The following PRP4K variants were observed in gnomAD, a reference collection of about 807,000 sequenced individuals.
The protein encoded by PRP4K is serine/threonine-protein kinase PRP4 homolog.
chr6:4,031,447 C>T, the PRP4K span: 8 of 823,986 alleles, frequency 9.7e-6, no homozygotes, highest in South Asian at 7.3e-5. Flanking sequence ...ATTTTAGTGA[C>T]TGACTTCATG....
At chr6:4,060,801 C>T in the PRP4K span, 8 of 636,854 alleles carry the variant, frequency 1.3e-5, no homozygotes, top group African/African-American at 5.5e-5. The surrounding 1 kb of genome is among the most constrained non-coding windows in gnomAD (Gnocchi z 4.7). Context: ...TTGTGTCTTA[C>T]GTGAAATTTC....
chr6:4,045,607 A>G, the PRP4K span, among the ~76,000 whole-genome samples: 1 of 152,156 alleles, frequency 6.6e-6, no homozygotes, highest in East Asian at 1.9e-4. Context: ...TTAACTTATG[A>G]TTTTATATTT....
the PRP4K span, among the ~76,000 whole-genome samples, chr6:4,043,053 G>A: frequency 2.6e-5 from 4 of 152,178 alleles, no homozygotes; most frequent in Non-Finnish European, 5.9e-5. Context: ...GGGAAAGAAT[G>A]TTATACAAAG....
chr6:4,026,019 G>A, the PRP4K span, among the ~76,000 whole-genome samples: 1 of 152,158 alleles, frequency 6.6e-6, no homozygotes, highest in African/African-American at 2.4e-5. Context: ...GTTTGTTTTT[G>A]AGACAGAGTT....
the PRP4K span, among the ~76,000 whole-genome samples, chr6:4,059,314 T>C: frequency 6.6e-6 from 1 of 152,212 alleles, no homozygotes; most frequent in Non-Finnish European, 1.5e-5. Context: ...CAGACCTTTG[T>C]GCCTTTGCTA....
chr6:4,049,915 A>ACGGAT, the PRP4K span: 1 of 1,589,084 alleles, frequency 6.3e-7, no homozygotes. Context: ...CTTTAACAGT[A>ACGGAT]CGGATACTTA....
chr6:4,057,733 C>G, the PRP4K span, among the ~76,000 whole-genome samples: 1 of 146,702 alleles, frequency 6.8e-6, no homozygotes, highest in Non-Finnish European at 1.5e-5. Flanking sequence ...ATTAAAGTAT[C>G]TGAGGGCCAT....
At chr6:4,052,639 G>A in the PRP4K span, 3 of 1,156,646 alleles carry the variant, frequency 2.6e-6, no homozygotes, top group Non-Finnish European at 2.4e-6. Context: ...CTTTATGCTT[G>A]CAAATGTTTT....
At chr6:4,040,762 C>CT in the PRP4K span, 1 of 1,611,362 alleles carries the variant, frequency 6.2e-7, no homozygotes, top group East Asian at 2.2e-5. Context: ...GTCTTTTCTT[C>CT]TTTAAATAGG....
At chr6:4,055,163 T>C in the PRP4K span, among the ~76,000 whole-genome samples, 1 of 152,216 alleles carries the variant, frequency 6.6e-6, no homozygotes, top group Non-Finnish European at 1.5e-5. Context: ...GAAGTGCATA[T>C]GAGTATGGAT....
chr6:4,052,591 G>T, the PRP4K span: 1 of 652,386 alleles, frequency 1.5e-6, no homozygotes, highest in South Asian at 2.3e-5. Flanking sequence ...CAAATGTGGG[G>T]GTGGTTCTTA....
chr6:4,056,857 A>C, the PRP4K span: 5 of 1,066,890 alleles, frequency 4.7e-6, no homozygotes, highest in Admixed American at 5.9e-5. Flanking sequence ...AAGGTTTTTA[A>C]GTTTGAGTCT....
the PRP4K span, among the ~76,000 whole-genome samples, chr6:4,035,284 A>ATTTTTTTTTTTTTTTTTTTTTTTTT: frequency 2.6e-4 from 15 of 58,800 alleles, no homozygotes; most frequent in East Asian, 6.0e-4. Context: ...CGCCCGGCTA[A>ATTTTTTTTTTTTTTTTTTTTTTTTT]TTTTTTTTTT....
At chr6:4,032,909 T>C in the PRP4K span, among the ~76,000 whole-genome samples, 10 of 152,236 alleles carry the variant, frequency 6.6e-5, no homozygotes, top group Non-Finnish European at 4.4e-5. Flanking sequence ...ACCCAATCCA[T>C]TAACCATGTT....
the PRP4K span, chr6:4,021,359 C>T: frequency 4.5e-6 from 7 of 1,549,092 alleles, no homozygotes; most frequent in East Asian, 2.4e-5. Flanking sequence ...CCTTCTTCCT[C>T]CACTTCCCCT....
the PRP4K span, chr6:4,032,891 T>A: frequency 2.9e-6 from 3 of 1,030,752 alleles, no homozygotes; most frequent in Non-Finnish European, 3.8e-6. Flanking sequence ...GTTTCATAAT[T>A]TTAAGTAACC....
At chr6:4,042,511 A>G in the PRP4K span, 1 of 1,611,396 alleles carries the variant, frequency 6.2e-7, no homozygotes, top group Non-Finnish European at 8.5e-7. Flanking sequence ...ATGTAGAGGA[A>G]GAAGATGAAG....
chr6:4,036,039 TCTGA>T, the PRP4K span, among the ~76,000 whole-genome samples: 3 of 152,074 alleles, frequency 2.0e-5, no homozygotes, highest in African/African-American at 7.2e-5. Flanking sequence ...CTATTTACAA[TCTGA>T]CTGTTCAGAT....
the PRP4K span, among the ~76,000 whole-genome samples, chr6:4,048,174 C>A: frequency 6.6e-6 from 1 of 151,974 alleles, no homozygotes; most frequent in Admixed American, 6.6e-5. Flanking sequence ...GTCAGGAGAT[C>A]GAGACCATCC....
Sources: allele counts gnomAD v4.1 joint callset (sites outside exome capture counted in the v4.1 genomes callset), GRCh38; gene constraint gnomAD v4.1.1; non-coding constraint Gnocchi (gnomAD v3.1); transcripts MANE v1.5; gene names NCBI Gene and HGNC (gene_info 2026-07-23, HGNC 2026-07-21).